The following TBX5 variants were observed in gnomAD, a reference collection of about 807,000 sequenced individuals.
TBX5 encodes the protein T-box transcription factor 5.
A neutral mutation model predicts 51.1 loss-of-function variants in TBX5; 8 were observed. That is an observed-to-expected ratio of 0.16 (90% CI 0.09 to 0.28). The LOEUF (loss-of-function observed/expected upper bound fraction) is 0.28, where lower values mean the gene tolerates loss of function less well. Ranked by LOEUF, TBX5 falls within the 10% of genes least tolerant of loss-of-function variation. The pLI, the probability that TBX5 is intolerant of heterozygous loss-of-function variation, is 1.00. For synonymous variants in TBX5, 302 were observed against 266.4 expected (o/e 1.13, Z -1.30); for missense variants, 589 against 671.7 (o/e 0.88, Z 1.36).
At chr12:114,406,815 G>C (rs766419284), upstream of TBX5, among the ~76,000 whole-genome samples, 21 of 151,838 alleles carry the variant, frequency 1.4e-4, no homozygotes, top group African/African-American at 5.1e-4. Flanking sequence ...ATCTCCACTG[G>C]TCTCCTCTCC....
At chr12:114,361,944 G>T (rs187656903) in intron 8 of TBX5, among the ~76,000 whole-genome samples, 7 of 152,200 alleles carry the variant, frequency 4.6e-5, no homozygotes, top group African/African-American at 1.7e-4. Context: ...TCTCCAGGGT[G>T]CATACCCCAT....
chr12:114,398,231 T>C (rs1871544207), intron 5 of TBX5, among the ~76,000 whole-genome samples: 1 of 151,454 alleles, frequency 6.6e-6, no homozygotes, highest in Non-Finnish European at 1.5e-5. Context: ...ATCTGGGGAG[T>C]GTGGATCACC....
chr12:114,406,624 T>C (rs553539449), upstream of TBX5, among the ~76,000 whole-genome samples: 1 of 152,012 alleles, frequency 6.6e-6, no homozygotes, highest in South Asian at 2.1e-4. Context: ...GACTCTGGGG[T>C]GAAGGCAGGG....
chr12:114,366,518 T>A (rs1259517302), intron 7 of TBX5, 127 bp from the exon 8 acceptor site: 2 of 853,774 alleles, frequency 2.3e-6, no homozygotes. Flanking sequence ...AGGTCTTTGA[T>A]GAATAAAATG....
intron 6 of TBX5, among the ~76,000 whole-genome samples, chr12:114,394,015 T>A (rs1871289301): frequency 6.6e-6 from 1 of 152,194 alleles, no homozygotes; most frequent in Non-Finnish European, 1.5e-5. Flanking sequence ...TGTTGCCAGT[T>A]GAGTGGCAAA....
chr12:114,355,981 T>A lies in TBX5; in HGVS notation c.1108A>T (p.Thr370Ser). The change falls in exon 9 of 9, where the codon ACA (threonine) becomes TCA (serine). Residue 370 changes from threonine (T) to serine (S), a missense_variant. This residue lies in a region of TBX5 where 348 missense variants were observed against 360.4 expected (regional missense o/e 0.97). Transcript: ENST00000405440. Reference protein sequence around the residue: ...QQQGLGASYRTESAQRQACMY... With the variant: ...QQQGLGASYRSESAQRQACMY... ...CAAGCTTGCCGCTGTGCCGACTCTG[T>A]CCTGTAGGAGGCACCCAGGCCCTGC... The A allele has an allele frequency of 6.2e-7, 1 of 1,614,064 alleles. No homozygotes were observed. The highest frequency in any genetic ancestry group is 8.5e-7 in the Non-Finnish European group (1 of 1,180,026).
intron 7 of TBX5, among the ~76,000 whole-genome samples, chr12:114,374,109 T>C (rs1870069352): frequency 2.0e-5 from 3 of 152,236 alleles, no homozygotes; most frequent in African/African-American, 7.2e-5. Context: ...CTTCTGAGGA[T>C]GACCTTGGCA....
Position 114,403,946 on chromosome 12 carries a change from A to T in TBX5, c.-38-10T>A, listed in dbSNP as rs372076826. On this transcript the variant is annotated splice_polypyrimidine_tract_variant and intron_variant, in intron 1 of 8. Coordinates refer to ENST00000405440, the MANE Select transcript of TBX5 (RefSeq NM_181486.4). ...CGCGCAAGGTTCTGCTCTGAGGACA[A>T]GAAGCAGGGGGAGATGGGGGTGGGG... 6.3e-7 allele frequency: 1 copy of T among 1,599,266 alleles called. No homozygotes were observed. Among genetic ancestry groups the T allele is most frequent in the African/African-American group, 1.3e-5 (1 of 74,868 alleles).
rs765327234 is a variant in TBX5 at position 114,356,098 on chromosome 12, A to T, written c.991T>A (p.Cys331Ser). 4 of 1,611,042 alleles carry T rather than the reference A, an allele frequency of 2.5e-6. No individual in the cohort carries two copies. Among genetic ancestry groups the T allele is most frequent in the Non-Finnish European group, 3.4e-6 (4 of 1,180,000 alleles). ...TTATAGGGATGGTCTGTGGTGGAAC[A>T]TTCTTCCTCTGTGAAGACAGGAGAG... ...YHCTKRKEEE[C>S]STTDHPYKKP... Residue 331 changes from cysteine to serine, a missense_variant, in exon 9 of 9, where the codon TGT becomes AGT. Cys to Ser is a moderately radical substitution (Grantham distance 112). This residue lies in a region of TBX5 where 348 missense variants were observed against 360.4 expected (regional missense o/e 0.97). Coordinates refer to ENST00000405440, the MANE Select transcript of TBX5 (RefSeq NM_181486.4).
At chr12:114,389,787 A>C (rs1456498270) in intron 6 of TBX5, among the ~76,000 whole-genome samples, 1 of 117,986 alleles carries the variant, frequency 8.5e-6, no homozygotes, top group Admixed American at 8.7e-5. Context: ...AAAAAAAAAA[A>C]AAGTGGATGA....
At position 114,358,772 on chromosome 12, in the gene TBX5, G is replaced by GT. The variant is rs1270630074; in HGVS notation, c.983-2667dup. 5.5e-5 allele frequency among the ~76,000 whole-genome samples: 7 copies of GT among 128,092 alleles called. No individual in the cohort carries two copies. The South Asian group carries it at 1.7e-3, about 30-fold the overall frequency. The allele number at this position is 128,092 out of a possible 152,430, so 84.0% of individuals were successfully genotyped here. On this transcript the variant is annotated intron_variant, in intron 8 of 8. Transcript: ENST00000405440. ...ATTTTTCACCTTTTAACTGTGCGGG[G>GT]TTTTTTTTGTTTGTTTGTTTGTTTG... is the stretch of plus-strand genomic sequence containing the variant.
At position 114,355,480 on chromosome 12, in the gene TBX5, C is replaced by CCTCT. The variant is rs201961625; in HGVS notation, c.*48_*51dup. The CCTCT allele has an allele frequency of 4.4e-5, 67 of 1,519,986 alleles. No individual in the cohort carries two copies. Among genetic ancestry groups the CCTCT allele is most frequent in the Non-Finnish European group, 5.7e-5 (63 of 1,107,872 alleles). 94.2% of individuals were successfully genotyped at this position (1,519,986 alleles called of 1,614,324 possible). On this transcript the variant is annotated 3_prime_UTR_variant, in exon 9 of 9. Transcript: ENST00000405440. The stretch of plus-strand genomic sequence containing the variant: ...TGTCTCTCTCCTTCTCTCTCTTTCT[C>CCTCT]CTCTCTCTCTCTCTTTCTCTAGGAA...
chr12:114,367,826 A>G (rs1170121285), intron 7 of TBX5, among the ~76,000 whole-genome samples: 1 of 152,190 alleles, frequency 6.6e-6, no homozygotes, highest in Non-Finnish European at 1.5e-5. Flanking sequence ...ATTGCTAAAC[A>G]GCCATTTAAA....
chr12:114,363,392 G>A (rs569737508), intron 8 of TBX5, among the ~76,000 whole-genome samples: 1 of 152,286 alleles, frequency 6.6e-6, no homozygotes, highest in East Asian at 1.9e-4. Flanking sequence ...TGCATTCAAA[G>A]CCTCCCTGCC....
At chr12:114,374,075 C>A (rs1284600969) in intron 7 of TBX5, among the ~76,000 whole-genome samples, 1 of 152,200 alleles carries the variant, frequency 6.6e-6, no homozygotes, top group Non-Finnish European at 1.5e-5. Context: ...CAGAAGTAAG[C>A]CAAGGACTTC....
intron 6 of TBX5, among the ~76,000 whole-genome samples, chr12:114,390,559 A>G (rs921487839): frequency 3.3e-5 from 5 of 152,214 alleles, no homozygotes; most frequent in Non-Finnish European, 7.3e-5. Context: ...ATTTTTTAAA[A>G]CCCTCACGAG....
Position 114,371,888 on chromosome 12 carries a change from G to A in TBX5, c.756-5497C>T, listed in dbSNP as rs80343969. On this transcript the variant is annotated intron_variant, in intron 7 of 8. Transcript: ENST00000405440. ...GAGGGCACACCCAAGGCTGGATTTC[G>A]CCTAGTGCAAATAGTAAATAATCAC... Among the ~76,000 whole-genome samples, 11 of 152,086 alleles carry A rather than the reference G, an allele frequency of 7.2e-5. No individual in the cohort carries two copies. In the South Asian group the frequency reaches 1.2e-3, roughly 17 times the overall value.
chr12:114,408,303 C>T, upstream of TBX5: 9 of 783,392 alleles, frequency 1.1e-5, no homozygotes, highest in South Asian at 4.6e-4. Context: ...ACATAAGACA[C>T]AAATAGAGCC....
intron 7 of TBX5, among the ~76,000 whole-genome samples, chr12:114,371,591 T>G (rs948519713): frequency 5.3e-5 from 8 of 150,412 alleles, no homozygotes; most frequent in Admixed American, 3.3e-4. Context: ...TTTTGTGTTT[T>G]TTTTTTTTTT....
Sources: allele counts gnomAD v4.1 joint callset (sites outside exome capture counted in the v4.1 genomes callset), GRCh38; gene constraint gnomAD v4.1.1; regional missense constraint gnomAD v4.1.1; transcripts MANE v1.5; gene names NCBI Gene and HGNC (gene_info 2026-07-23, HGNC 2026-07-21).